Variants in LARP1B observed in about 807,000 individuals in gnomAD.
The protein encoded by LARP1B is La ribonucleoprotein 1B.
LARP1B carries 76 observed loss-of-function variants against 114.2 expected under a neutral mutation model. The observed-to-expected ratio is 0.67, with a 90% CI of 0.55 to 0.81. The LOEUF is 0.81. Ranked by LOEUF, LARP1B falls within the 30% of genes least tolerant of loss-of-function variation. The pLI, the probability that LARP1B is intolerant of heterozygous loss-of-function variation, is 0.00. For missense variants in LARP1B, 1,014 were observed against 1,075.8 expected, an observed-to-expected ratio of 0.94 and a Z score of 0.80; for synonymous variants, 345 against 348.0, an observed-to-expected ratio of 0.99 and a Z score of 0.10.
At chr4:128,108,563 G>A (rs1277961432) in intron 9 of LARP1B, 1 of 985,496 alleles carries the variant, frequency 1.0e-6, no homozygotes, top group Non-Finnish European at 1.2e-6. Context: ...TTTATCATAT[G>A]TTTCTTTGTC....
chr4:128,220,342 T>C (rs779659565), intron 6 of LARP1B: 76 of 938,788 alleles, frequency 8.1e-5, no homozygotes, highest in Non-Finnish European at 9.0e-5. Context: ...ATTTTTATTT[T>C]ATTCTTGCAT....
Position 128,206,518 on chromosome 4 carries a change from C to G in LARP1B, c.2400C>G (p.Thr800=). 1 of 1,609,276 alleles carries G rather than the reference C, an allele frequency of 6.2e-7. No homozygotes were observed. The highest frequency in any genetic ancestry group is 8.5e-7 in the Non-Finnish European group (1 of 1,178,262). ...TTTTTCAGGATTTCCAAGAAGAAAC[C>G]AAAAAAGACTACGAATCTGGTAACA... ...REIFQDFQEE[T]KKDYESGQLY... The change falls in exon 18 of 20, where the codon ACC becomes ACG. Residue 800 remains threonine, a synonymous_variant. Coordinates refer to ENST00000326639, the MANE Select transcript of LARP1B (RefSeq NM_018078.4).
At chr4:128,205,713 A>C (rs1051565455) in intron 17 of LARP1B, among the ~76,000 whole-genome samples, 1 of 152,188 alleles carries the variant, frequency 6.6e-6, no homozygotes, top group Non-Finnish European at 1.5e-5. Context: ...CCTAGAGTAA[A>C]GCTTACATTC....
rs35423896 is a variant in LARP1B, at chr4:128,196,248, C to CA, written c.2004-3172dup. On this transcript the variant is annotated intron_variant, in intron 15 of 19. Transcript: ENST00000326639. ...CCTGGGCGACAGAGTGAGAGTCTGT[C>CA]AAAAAAAAAAAAAAAAAAAGAAAGA... Among the ~76,000 whole-genome samples, 355 of 88,440 alleles carry CA rather than the reference C, an allele frequency of 4.0e-3. 3 individuals carry two copies. The highest frequency in any genetic ancestry group is 9.5e-3 in the East Asian group (28 of 2,950). The allele number at this position is 88,440 out of a possible 152,430, so 58.0% of individuals were successfully genotyped here.
intron 11 of LARP1B, chr4:128,155,931 G>T: frequency 6.5e-7 from 1 of 1,537,504 alleles, no homozygotes; most frequent in African/African-American, 1.4e-5. Flanking sequence ...CCAAGGAGGG[G>T]TACACAGGCG....
intron 5 of LARP1B, among the ~76,000 whole-genome samples, chr4:128,085,656 C>T (rs923233518): frequency 2.6e-5 from 4 of 152,216 alleles, no homozygotes; most frequent in Admixed American, 2.6e-4. Context: ...GCATGAGCCA[C>T]CGCACTTAGC....
chr4:128,152,055 C>A (rs577320301), intron 11 of LARP1B, among the ~76,000 whole-genome samples: 33 of 152,228 alleles, frequency 2.2e-4, no homozygotes, highest in South Asian at 1.7e-3. Context: ...CAGATTTGCT[C>A]ACTGTAAATG....
intron 19 of LARP1B, among the ~76,000 whole-genome samples, chr4:128,208,902 C>T (rs188261751): frequency 1.2e-4 from 19 of 152,346 alleles, no homozygotes; most frequent in Non-Finnish European, 2.5e-4. Context: ...TATTCCCCTA[C>T]TGCTTTCATT....
chr4:128,201,297 A>G (rs979901315), intron 17 of LARP1B, among the ~76,000 whole-genome samples: 4 of 152,276 alleles, frequency 2.6e-5, no homozygotes, highest in African/African-American at 9.6e-5. Context: ...AAGAGATGGG[A>G]TCATTAGGAA....
At chr4:128,119,561 T>A (rs1787211869) in intron 10 of LARP1B, among the ~76,000 whole-genome samples, 1 of 152,220 alleles carries the variant, frequency 6.6e-6, no homozygotes, top group Admixed American at 6.5e-5. Flanking sequence ...TCCAGCTGTG[T>A]TCTATAGTTG....
Position 128,135,144 on chromosome 4 carries a change from A to AATAAATAG in LARP1B, c.1524+12957_1524+12958insTAAATAGA, listed in dbSNP as rs1216593362. Among the ~76,000 whole-genome samples, 5 of 148,632 alleles carry AATAAATAG rather than the reference A, an allele frequency of 3.4e-5. 1 individual carries two copies. Among genetic ancestry groups the AATAAATAG allele is most frequent in the Admixed American group, 2.7e-4 (4 of 14,764 alleles). On this transcript the variant is annotated intron_variant, in intron 11 of 19. Transcript: ENST00000326639. ...AAATAAATAAATAAATAAATAAATA[A>AATAAATAG]AAAGGATAACAAACATTTGAAAAGA...
rs367738703 is a variant in LARP1B, at chr4:128,130,597, A to G, written c.1524+8409A>G. Among the ~76,000 whole-genome samples, 15 of 152,350 alleles carry G rather than the reference A, an allele frequency of 9.8e-5. No homozygotes were observed. In the East Asian group the frequency reaches 1.9e-3, roughly 20 times the overall value. Reference sequence around the variant, plus strand: ...CATTCATTCCTGGTGGCAATGCAAAACAGTACAGCTTCTTTGGAAGGTAGT... The same window carrying G: ...CATTCATTCCTGGTGGCAATGCAAAGCAGTACAGCTTCTTTGGAAGGTAGT... On this transcript the variant is annotated intron_variant, in intron 11 of 19. Coordinates refer to ENST00000326639, the MANE Select transcript of LARP1B (RefSeq NM_018078.4).
Position 128,107,831 on chromosome 4 carries a change from A to G in LARP1B, c.988+518A>G, listed in dbSNP as rs577699363. 4 of 1,523,000 alleles carry G rather than the reference A, an allele frequency of 2.6e-6. No individual in the cohort carries two copies. The South Asian group carries it at 4.8e-5, about 18-fold the overall frequency. The allele number at this position is 1,523,000 out of a possible 1,614,324, so 94.3% of individuals were successfully genotyped here. ...AATGTTAATAATTTTTTCCTGGATC[A>G]TTTTTAAGACATTCCCTCTTGGGAA... On this transcript the variant is annotated intron_variant, in intron 9 of 19. Transcript: ENST00000326639.
At chr4:128,116,133 TAA>T (rs889697553) in intron 10 of LARP1B, among the ~76,000 whole-genome samples, 13 of 152,170 alleles carry the variant, frequency 8.5e-5, no homozygotes, top group African/African-American at 3.1e-4. Context: ...GTTATATTTA[TAA>T]AAAGAGAAAT....
In LARP1B at chr4:128,108,904, ATGT is replaced by A. The variant is rs146038597; in HGVS notation, c.988+1595_988+1597del. 1,663 of 915,464 alleles carry A rather than the reference ATGT, an allele frequency of 1.8e-3. 11 individuals are homozygous for A. The East Asian group carries it at 0.03, about 17-fold the overall frequency. 56.7% of individuals were successfully genotyped at this position (915,464 alleles called of 1,614,324 possible). ...ATAAAATTATAAGAATAAAATCATA[ATGT>A]TGTACATTTTTGTGTTTTTTAATAT... is the stretch of plus-strand genomic sequence containing the variant. On this transcript the variant is annotated intron_variant, in intron 9 of 19. Transcript: ENST00000326639.
intron 3 of LARP1B, 42 bp from the exon 4 acceptor site, chr4:128,077,746 A>G: frequency 6.8e-7 from 1 of 1,461,416 alleles, no homozygotes; most frequent in Admixed American, 2.6e-5. Flanking sequence ...TGTTAGTGAA[A>G]ATATTAATGG....
chr4:128,199,518 C>T lies in LARP1B; in HGVS notation c.2083C>T (p.Gln695Ter). The change falls in exon 16 of 20, where the codon CAG becomes TAG. Residue 695 changes from glutamine to a stop codon, truncating the protein, a stop_gained. Transcript: ENST00000326639. LOFTEE classifies it high-confidence loss of function. ...GCTPHSFPKF[Q>*]HPSHELLKEN... ...TACTCCTCATTCATTCCCAAAGTTC[C>T]AGCATCCTTCTCATGAACTTTTGAA... 1 of 1,604,164 alleles carries T rather than the reference C, an allele frequency of 6.2e-7. No individual in the cohort carries two copies. Among genetic ancestry groups the T allele is most frequent in the Non-Finnish European group, 8.5e-7 (1 of 1,174,536 alleles).
chr4:128,191,745 A>G (rs774990001), intron 15 of LARP1B, among the ~76,000 whole-genome samples: 3 of 151,886 alleles, frequency 2.0e-5, no homozygotes, highest in Admixed American at 2.0e-4. Context: ...TTCTGCCTTC[A>G]TGATTTTTTT....
At chr4:128,164,712 C>T (rs1490565697) in intron 12 of LARP1B, among the ~76,000 whole-genome samples, 1 of 152,154 alleles carries the variant, frequency 6.6e-6, no homozygotes, top group Non-Finnish European at 1.5e-5. Context: ...ATAATCCCAA[C>T]ACTTCGGGAG....
Sources: allele counts gnomAD v4.1 joint callset (sites outside exome capture counted in the v4.1 genomes callset), GRCh38; gene constraint gnomAD v4.1.1; transcripts MANE v1.5; gene names NCBI Gene and HGNC (gene_info 2026-07-23, HGNC 2026-07-21).